Variants in DDX60 observed in about 807,000 individuals in gnomAD.
DDX60 encodes the protein probable ATP-dependent RNA helicase DDX60.
In DDX60, 165 loss-of-function variants were observed where a neutral mutation model predicts 212.8. The ratio of observed to expected loss-of-function variants is 0.78; its 90% confidence interval spans 0.68 to 0.88. The LOEUF (loss-of-function observed/expected upper bound fraction) is 0.88. Among genes scored for constraint, DDX60 ranks in the 40% least tolerant of loss-of-function variants. DDX60 has a pLI of 0.00. For missense variants in DDX60, 1,905 were observed against 2,003.9 expected, an observed-to-expected ratio of 0.95 and a Z score of 0.94; for synonymous variants, 703 against 685.3, an observed-to-expected ratio of 1.03 and a Z score of -0.40.
At chr4:168,251,523 A>G (rs931450281) in intron 27 of DDX60, among the ~76,000 whole-genome samples, 4 of 152,214 alleles carry the variant, frequency 2.6e-5, no homozygotes, top group African/African-American at 7.2e-5. Context: ...ATTGAAACTG[A>G]GCACAAATGG....
At chr4:168,237,627 G>T in intron 31 of DDX60, 64 bp downstream of exon 31, 2 of 1,393,494 alleles carry the variant, frequency 1.4e-6, no homozygotes, top group African/African-American at 1.4e-5. Flanking sequence ...AATTTGTTCA[G>T]CATGATAAGA....
intron 30 of DDX60, among the ~76,000 whole-genome samples, chr4:168,238,120 A>G (rs59199187): frequency 0.057 from 8,687 of 151,774 alleles, 764 homozygotes; most frequent in African/African-American, 0.19. Context: ...TATTACAAAA[A>G]TAATGTAACT....
intron 19 of DDX60, among the ~76,000 whole-genome samples, chr4:168,269,200 T>C (rs562315804): frequency 5.3e-5 from 8 of 152,316 alleles, no homozygotes; most frequent in African/African-American, 1.4e-4. Flanking sequence ...TCATGTCTAC[T>C]GCCAACCTAG....
chr4:168,260,968 G>T lies in DDX60; in HGVS notation c.3295C>A (p.Leu1099Ile), dbSNP rs551547742. The change falls in exon 25 of 38, where the codon CTT becomes ATT. Residue 1099 changes from leucine (L) to isoleucine (I), a missense_variant. Coordinates refer to ENST00000393743, the MANE Select transcript of DDX60 (RefSeq NM_017631.6). ...VEQARMVLQN[L>I]SPEADLSPEN... ...GGACTCAAATCTGCTTCAGGACTAA[G>T]ATTCTGAAGTACCATTCTGGCCTGT... 2 of 1,613,056 alleles carry T rather than the reference G, an allele frequency of 1.2e-6. No homozygotes were observed. Among genetic ancestry groups the T allele is most frequent in the Non-Finnish European group, 1.7e-6 (2 of 1,179,490 alleles).
chr4:168,236,495 C>T, intron 32 of DDX60, 122 bp from the exon 33 acceptor site: 2 of 844,168 alleles, frequency 2.4e-6, no homozygotes, highest in Non-Finnish European at 3.5e-6. Context: ...ACAAACATAG[C>T]AATTGAAGAA....
At chr4:168,300,315 G>A (rs1736592522) in intron 6 of DDX60, among the ~76,000 whole-genome samples, 1 of 152,102 alleles carries the variant, frequency 6.6e-6, no homozygotes, top group African/African-American at 2.4e-5. Flanking sequence ...GTCGAGGTGG[G>A]CAGATCACGA....
At position 168,284,892 on chromosome 4, in the gene DDX60, C is replaced by T. The variant is rs147256713; in HGVS notation, c.1489G>A (p.Asp497Asn). ...TGAGAATGCCAGTGCACAAGTTCAT[C>T]AAATTCCTTTTGTTTAACCAGTGAA... Reference protein sequence around the residue: ...VTSLVKQKEFDELVHWHSHKP... With the variant: ...VTSLVKQKEFNELVHWHSHKP... Residue 497 changes from aspartate to asparagine, a missense_variant, in exon 12 of 38, where the codon GAT (aspartate) becomes AAT (asparagine). By Grantham distance (23) the Asp-to-Asn change is conservative (BLOSUM62 1). Transcript: ENST00000393743. The T allele has an allele frequency of 4.0e-5, 64 of 1,598,056 alleles. No homozygotes were observed. The highest frequency in any genetic ancestry group is 4.8e-5 in the Non-Finnish European group (56 of 1,170,270).
chr4:168,235,999 T>C lies in DDX60; in HGVS notation c.4533+253A>G. Reference sequence around the variant, plus strand: ...TTAGTCACCTGATATTATAATTTGATACAATCAAATGAAAAACATGAATAA... The same window carrying C: ...TTAGTCACCTGATATTATAATTTGACACAATCAAATGAAAAACATGAATAA... On this transcript the variant is annotated intron_variant, in intron 33 of 37. Coordinates refer to ENST00000393743, the MANE Select transcript of DDX60 (RefSeq NM_017631.6). 1.1e-5 allele frequency: 4 copies of C among 369,764 alleles called. No individual in the cohort carries two copies. The South Asian group carries it at 1.4e-4, about 13-fold the overall frequency. 22.9% of individuals were successfully genotyped at this position (369,764 alleles called of 1,614,324 possible).
chr4:168,263,306 C>G (rs1371859950), intron 22 of DDX60, among the ~76,000 whole-genome samples: 1 of 152,184 alleles, frequency 6.6e-6, no homozygotes, highest in African/African-American at 2.4e-5. Flanking sequence ...AGGTCACTGA[C>G]AGGTCTGCTT....
intron 22 of DDX60, among the ~76,000 whole-genome samples, chr4:168,263,946 C>A (rs1158810710): frequency 6.6e-6 from 1 of 152,010 alleles, no homozygotes; most frequent in Admixed American, 6.6e-5. Flanking sequence ...AAATGTTAAA[C>A]CTCAAAGAAG....
chr4:168,324,947 T>C, the DDX60 span, among the ~76,000 whole-genome samples: 10 of 152,240 alleles, frequency 6.6e-5, no homozygotes, highest in African/African-American at 2.4e-4. Flanking sequence ...AGGCGTATTA[T>C]GTCCCTTCAG....
At chr4:168,298,915 C>G (rs1235506183) in intron 6 of DDX60, among the ~76,000 whole-genome samples, 1 of 151,860 alleles carries the variant, frequency 6.6e-6, no homozygotes. Context: ...GTAATCCCAG[C>G]ACGTTGGGAG....
chr4:168,225,594 A>T lies in DDX60; in HGVS notation c.4616T>A (p.Phe1539Tyr). 1 of 1,611,586 alleles carries T rather than the reference A, an allele frequency of 6.2e-7. No homozygotes were observed. Among genetic ancestry groups the T allele is most frequent in the Non-Finnish European group, 8.5e-7 (1 of 1,178,764 alleles). ...NMKIMEDFTT[F>Y]LRIVSKLADM... is the part of the protein sequence containing the mutation. ...AGCCAGTTTGGAAACAATTCGTAGG[A>T]AAGTGGTAAAGTCCTCCATAATTTT... The change falls in exon 34 of 38, where the codon TTC becomes TAC. Residue 1539 changes from phenylalanine to tyrosine, a missense_variant. By Grantham distance (22) the Phe-to-Tyr change is conservative. Coordinates refer to ENST00000393743, the MANE Select transcript of DDX60 (RefSeq NM_017631.6).
In DDX60 at chr4:168,280,546, T is replaced by C; in HGVS notation, c.1767A>G (p.Leu589=). 1 of 1,613,898 alleles carries C rather than the reference T, an allele frequency of 6.2e-7. No individual in the cohort carries two copies. The highest frequency in any genetic ancestry group is 8.5e-7 in the Non-Finnish European group (1 of 1,179,970). The change falls in exon 14 of 38, where the codon TTA becomes TTG. Residue 589 remains leucine, a synonymous_variant. Coordinates refer to ENST00000393743, the MANE Select transcript of DDX60 (RefSeq NM_017631.6). The part of the protein sequence containing the change: ...EIIARENKKR[L]FAREEQKEEQ... The stretch of plus-strand genomic sequence containing the variant: ...CTTCCTTTTGTTCTTCCCTGGCAAA[T>C]AACCTTTTCTTATTCTCTCTAGCAA...
intron 22 of DDX60, among the ~76,000 whole-genome samples, chr4:168,263,842 T>C (rs1189862702): frequency 6.6e-6 from 1 of 152,136 alleles, no homozygotes; most frequent in Non-Finnish European, 1.5e-5. Flanking sequence ...CAGAAGCCTG[T>C]TGAATGGGCT....
At chr4:168,275,550 T>C (rs1421283510) in intron 15 of DDX60, 47 bp from the exon 16 acceptor site, 11 of 1,487,892 alleles carry the variant, frequency 7.4e-6, no homozygotes, top group Non-Finnish European at 1.0e-5. Context: ...TGAATTAGAA[T>C]ATCATTTAAA....
At chr4:168,239,749 C>G (rs1733772844) in intron 30 of DDX60, among the ~76,000 whole-genome samples, 1 of 151,994 alleles carries the variant, frequency 6.6e-6, no homozygotes, top group Non-Finnish European at 1.5e-5. Context: ...AAGCAGGTAG[C>G]AGGCCATATG....
chr4:168,285,460 G>A lies in DDX60; in HGVS notation c.1378C>T (p.Pro460Ser). 1 of 1,609,956 alleles carries A rather than the reference G, an allele frequency of 6.2e-7. No individual in the cohort carries two copies. Among genetic ancestry groups the A allele is most frequent in the East Asian group, 2.2e-5 (1 of 44,682 alleles). The change falls in exon 11 of 38, where the codon CCA becomes TCA. Residue 460 changes from proline to serine, a missense_variant. Transcript: ENST00000393743. ...NEMVPNLGFIPTSSFVVDKFA... is the reference protein window; with the variant it reads ...NEMVPNLGFISTSSFVVDKFA... ...TTATCAACCACAAAAGATGACGTTG[G>A]AATAAAACCCAAATTGGGCACCATT... is the stretch of plus-strand genomic sequence containing the variant.
intron 3 of DDX60, among the ~76,000 whole-genome samples, chr4:168,310,111 G>A (rs571073747): frequency 6.6e-6 from 1 of 152,284 alleles, no homozygotes; most frequent in African/African-American, 2.4e-5. Flanking sequence ...GCCAGTGAGG[G>A]AGACTGCTTT....
Sources: gnomAD v4.1 joint callset for allele counts (sites outside exome capture counted in the v4.1 genomes callset) on GRCh38, gnomAD v4.1.1 for gene constraint, MANE v1.5 for transcripts, NCBI Gene and HGNC (gene_info 2026-07-23, HGNC 2026-07-21) for gene names.